ATP2C2: variants seen among roughly 807,000 people sequenced by gnomAD.
ATP2C2 encodes the protein ATPase secretory pathway Ca2+ transporting 2.
In ATP2C2, 171 loss-of-function variants were observed where a neutral mutation model predicts 110.8. That is an observed-to-expected ratio of 1.54 (90% confidence interval 1.36 to 1.75). The LOEUF (loss-of-function observed/expected upper bound fraction) is 1.75. Among genes scored for constraint, ATP2C2 ranks in the 40% most tolerant of loss-of-function variants. The pLI, the probability that ATP2C2 is intolerant of heterozygous loss-of-function variation, is 0.00. For synonymous variants in ATP2C2, 804 were observed against 508.4 expected, an observed-to-expected ratio of 1.58 and a Z score of -7.82; for missense variants, 1,963 against 1,235.0, an observed-to-expected ratio of 1.59 and a Z score of -8.84.
Position 84,454,926 on chromosome 16 carries a change from G to C in ATP2C2, c.2089G>C (p.Asp697His), listed in dbSNP as rs1456738945. The change falls in exon 21 of 27, where the codon GAC becomes CAC. Residue 697 changes from aspartate to histidine, a missense_variant. Asp to His is a moderately conservative substitution (Grantham distance 81, BLOSUM62 -1). Coordinates refer to ENST00000262429, the MANE Select transcript of ATP2C2 (RefSeq NM_014861.4). ...IGIAMGQTGT[D>H]VSKEAANMIL... ...GATCGCCATGGGGCAGACAGGGACG[G>C]ACGTCAGCAAAGAGGCCGCCAACAT... 3 of 1,613,932 alleles carry C rather than the reference G, an allele frequency of 1.9e-6. No homozygotes were observed. Among genetic ancestry groups the C allele is most frequent in the African/African-American group, 1.3e-5 (1 of 74,932 alleles).
At position 84,463,860 on chromosome 16, in the gene ATP2C2, T is replaced by C; in HGVS notation, c.*128T>C. 8.2e-6 allele frequency: 7 copies of C among 858,378 alleles called. No individual in the cohort carries two copies. The South Asian group carries it at 1.1e-4, about 14-fold the overall frequency. 53.2% of individuals were successfully genotyped at this position (858,378 alleles called of 1,614,324 possible). A position where few individuals can be genotyped will look rare whatever the true frequency, so the allele number is the denominator to read the frequency against. Reference sequence around the variant, plus strand: ...CTTCCATCACCGGATCAGTTTTTCCTCTTAGGAAAGCTGCAGGAACCTCGT... The same window carrying C: ...CTTCCATCACCGGATCAGTTTTTCCCCTTAGGAAAGCTGCAGGAACCTCGT... On this transcript the variant is annotated 3_prime_UTR_variant, in exon 27 of 27. Transcript: ENST00000262429.
At chr16:84,440,388 C>T (rs1909135979) in intron 13 of ATP2C2, among the ~76,000 whole-genome samples, 1 of 152,208 alleles carries the variant, frequency 6.6e-6, no homozygotes. Flanking sequence ...GGTGATGGTC[C>T]ATGGGCCAGT....
intron 1 of ATP2C2, among the ~76,000 whole-genome samples, chr16:84,394,410 G>C (rs1327303000): frequency 1.3e-5 from 2 of 152,016 alleles, no homozygotes; most frequent in Non-Finnish European, 1.5e-5. Flanking sequence ...GAATTTGCCT[G>C]TCCCGGGCCT....
intron 1 of ATP2C2, among the ~76,000 whole-genome samples, chr16:84,386,173 G>A (rs1382049922): frequency 6.6e-6 from 1 of 152,130 alleles, no homozygotes; most frequent in African/African-American, 2.4e-5. Context: ...TTTACCGGAA[G>A]AATTATATTT....
At chr16:84,376,453 A>T (rs1235521253) in intron 1 of ATP2C2, among the ~76,000 whole-genome samples, 1 of 152,068 alleles carries the variant, frequency 6.6e-6, no homozygotes, top group African/African-American at 2.4e-5. Flanking sequence ...AGTGTGTTCA[A>T]CCTGCAGCCC....
chr16:84,398,877 T>G (rs1905149199), intron 2 of ATP2C2, among the ~76,000 whole-genome samples: 1 of 152,174 alleles, frequency 6.6e-6, no homozygotes, highest in African/African-American at 2.4e-5. Flanking sequence ...AGCCTCACAT[T>G]TCTTGGCAAA....
chr16:84,408,588 G>A, intron 4 of ATP2C2, 94 bp downstream of exon 4: 1 of 968,210 alleles, frequency 1.0e-6, no homozygotes, highest in Non-Finnish European at 1.5e-6. Context: ...AAAAGAGTTT[G>A]CTGTAGGGGG....
chr16:84,407,836 G>A (rs1214343932), intron 3 of ATP2C2, among the ~76,000 whole-genome samples: 8 of 152,112 alleles, frequency 5.3e-5, no homozygotes, highest in African/African-American at 1.9e-4. Flanking sequence ...CCGGTTTTAT[G>A]TGTTTGCATT....
At chr16:84,372,078 G>C (rs1225781065) in intron 1 of ATP2C2, among the ~76,000 whole-genome samples, 2 of 152,190 alleles carry the variant, frequency 1.3e-5, no homozygotes, top group Non-Finnish European at 2.9e-5. Context: ...AGAAGAGGTA[G>C]AGGCGTTGGG....
chr16:84,442,419 AC>A (rs2150570332), intron 14 of ATP2C2, 90 bp from the exon 15 acceptor site: 1 of 1,222,688 alleles, frequency 8.2e-7, no homozygotes, highest in South Asian at 1.2e-5. Context: ...TGTCCCCACA[AC>A]CCCAGCTGTA....
intron 7 of ATP2C2, 87 bp downstream of exon 7, chr16:84,415,678 C>G: frequency 9.6e-7 from 1 of 1,044,692 alleles, no homozygotes; most frequent in Non-Finnish European, 1.4e-6. Context: ...CATGTATAGT[C>G]TCTCTCATAC....
intron 2 of ATP2C2, among the ~76,000 whole-genome samples, chr16:84,400,876 A>C (rs932862779): frequency 3.3e-5 from 5 of 152,200 alleles, no homozygotes; most frequent in African/African-American, 1.2e-4. Context: ...CTTTTGAGGA[A>C]TGTCTATCCA....
intron 7 of ATP2C2, among the ~76,000 whole-genome samples, chr16:84,421,861 C>T (rs747760893): frequency 5.3e-5 from 8 of 152,120 alleles, no homozygotes; most frequent in East Asian, 3.9e-4. Context: ...TGGGGAGCTG[C>T]GCACAGGGCC....
At chr16:84,460,470 A>G in intron 23 of ATP2C2, 184 bp from the exon 24 acceptor site, 1 of 796,836 alleles carries the variant, frequency 1.3e-6, no homozygotes, top group South Asian at 1.5e-5. Context: ...CTGCCCATGG[A>G]CCCAGGCTCT....
At chr16:84,401,257 T>G (rs1376470520) in intron 2 of ATP2C2, among the ~76,000 whole-genome samples, 5 of 132,406 alleles carry the variant, frequency 3.8e-5, no homozygotes, top group African/African-American at 1.4e-4. Context: ...AGGGTCTCAC[T>G]CTGTTGCCCA....
chr16:84,416,047 G>A (rs1047645307), intron 7 of ATP2C2, among the ~76,000 whole-genome samples: 2 of 152,208 alleles, frequency 1.3e-5, no homozygotes, highest in Non-Finnish European at 1.5e-5. Flanking sequence ...GGTGGCATGT[G>A]CCTGTAGTCC....
chr16:84,412,818 G>A (rs1039873983), intron 6 of ATP2C2, among the ~76,000 whole-genome samples: 53 of 152,052 alleles, frequency 3.5e-4, no homozygotes, highest in African/African-American at 1.1e-3. Flanking sequence ...GTGATCAGCC[G>A]GGCGCGGTGG....
chr16:84,385,428 G>A (rs570227624), intron 1 of ATP2C2, among the ~76,000 whole-genome samples: 108 of 152,236 alleles, frequency 7.1e-4, no homozygotes, highest in African/African-American at 2.4e-3. Context: ...TGAGATTTGG[G>A]GGTGAACACA....
chr16:84,440,956 G>A lies in ATP2C2; in HGVS notation c.1309G>A (p.Glu437Lys). 1 of 1,609,540 alleles carries A rather than the reference G, an allele frequency of 6.2e-7. No homozygotes were observed. The highest frequency in any genetic ancestry group is 8.5e-7 in the Non-Finnish European group (1 of 1,177,228). ...CAATGTCTCAGTGGGAAAGTTAGTG[G>A]AGGTAGGTGTCAAAAGCGCCATGAG... ...FSNVSVGKLV[E>K]AGCVANNAVI... The change falls in exon 14 of 27, where the codon GAG (glutamate) becomes AAG (lysine). Residue 437 changes from glutamate (E) to lysine (K), a missense_variant and splice_region_variant. Physicochemically the swap from Glu to Lys is moderately conservative, Grantham distance 56. Transcript: ENST00000262429.
Sources: gnomAD v4.1 joint callset for allele counts (sites outside exome capture counted in the v4.1 genomes callset) on GRCh38, gnomAD v4.1.1 for gene constraint, MANE v1.5 for transcripts, NCBI Gene and HGNC (gene_info 2026-07-23, HGNC 2026-07-21) for gene names.